Variants in SLC6A5 observed in about 807,000 individuals in gnomAD.
The protein encoded by SLC6A5 is sodium- and chloride-dependent glycine transporter 2.
A neutral mutation model predicts 90.5 loss-of-function variants in SLC6A5; 58 were observed. The ratio of observed to expected loss-of-function variants is 0.64; its 90% CI spans 0.52 to 0.80. SLC6A5 has a LOEUF of 0.80. Among genes scored for constraint, SLC6A5 ranks in the 30% least tolerant of loss-of-function variants. The probability of loss-of-function intolerance (pLI) is 0.00; values close to 1 mark genes in which losing one functional copy is unlikely to be tolerated. For missense variants in SLC6A5, 1,015 were observed against 1,017.6 expected (o/e 1.00, Z 0.03); for synonymous variants, 427 against 401.4 (o/e 1.06, Z -0.76).
chr11:20,646,518 A>C (rs1412889019), intron 13 of SLC6A5, among the ~76,000 whole-genome samples: 1 of 152,160 alleles, frequency 6.6e-6, no homozygotes, highest in African/African-American at 2.4e-5. Flanking sequence ...TGCACATGTG[A>C]GATGTCAGGT....
intron 6 of SLC6A5, among the ~76,000 whole-genome samples, chr11:20,615,812 T>TA (rs1351235247): frequency 3.7e-5 from 5 of 136,386 alleles, no homozygotes; most frequent in Non-Finnish European, 7.8e-5. Context: ...AAAGTGAAAA[T>TA]AAATGAGATG....
At chr11:20,640,942 C>T (rs1415341610) in intron 13 of SLC6A5, among the ~76,000 whole-genome samples, 1 of 152,104 alleles carries the variant, frequency 6.6e-6, no homozygotes, top group Non-Finnish European at 1.5e-5. Flanking sequence ...TTCTAATAAT[C>T]TCTAGATTCT....
chr11:20,651,632 G>GCA (rs1422713441), intron 14 of SLC6A5, among the ~76,000 whole-genome samples: 1 of 151,658 alleles, frequency 6.6e-6, no homozygotes, highest in African/African-American at 2.4e-5. Context: ...TACGGGCTGG[G>GCA]CACAGTGGCT....
At chr11:20,608,277 T>A (rs1295745382) in intron 5 of SLC6A5, among the ~76,000 whole-genome samples, 2 of 152,218 alleles carry the variant, frequency 1.3e-5, no homozygotes, top group African/African-American at 4.8e-5. Context: ...GGAGTGTTCC[T>A]GGAAGATGCT....
intron 3 of SLC6A5, 128 bp downstream of exon 3, chr11:20,604,552 C>T (rs769563021): frequency 8.6e-6 from 10 of 1,162,256 alleles, no homozygotes; most frequent in African/African-American, 1.5e-5. Context: ...GGCTCCAGCC[C>T]TACACCTCGT....
intron 1 of SLC6A5, 59 bp downstream of exon 1, chr11:20,599,734 G>T: frequency 3.1e-6 from 5 of 1,605,792 alleles, no homozygotes; most frequent in Non-Finnish European, 4.3e-6. Flanking sequence ...AGGGAAAGCA[G>T]ATTCGTTTTG....
chr11:20,635,868 C>T (rs909920716), intron 10 of SLC6A5, among the ~76,000 whole-genome samples: 2 of 152,140 alleles, frequency 1.3e-5, no homozygotes, highest in Non-Finnish European at 2.9e-5. Flanking sequence ...CCCAGCTCAC[C>T]CGTGAGAATA....
In SLC6A5 at chr11:20,600,399, G is replaced by GAAGAAGAAGAAGAA. The variant is rs1182102601; in HGVS notation, c.4-717_4-716insAAAGAAGAAGAAGA. ...AGAAGAAGAAGAAGAAGAAGAAGAA[G>GAAGAAGAAGAAGAA]AAGAAGAAGAAGACCTAAACAAAAG... On this transcript the variant is annotated intron_variant, in intron 1 of 15. Transcript: ENST00000525748. 6.3e-3 allele frequency among the ~76,000 whole-genome samples: 873 copies of GAAGAAGAAGAAGAA among 139,142 alleles called. 29 individuals carry two copies. The highest frequency in any genetic ancestry group is 0.022 in the African/African-American group (818 of 37,728). The allele number at this position is 139,142 out of a possible 152,430, so 91.3% of individuals were successfully genotyped here.
At chr11:20,635,607 A>G (rs144999712) in intron 10 of SLC6A5, among the ~76,000 whole-genome samples, 372 of 152,288 alleles carry the variant, frequency 2.4e-3, no homozygotes, top group Non-Finnish European at 4.2e-3. Context: ...GCAAACCACA[A>G]TGACACACGT....
chr11:20,629,443 T>G (rs769898040), intron 9 of SLC6A5, among the ~76,000 whole-genome samples: 19 of 152,254 alleles, frequency 1.2e-4, no homozygotes, highest in Non-Finnish European at 2.2e-4. Flanking sequence ...TTTGTTCAGA[T>G]TGTCTAACAA....
chr11:20,643,361 C>T (rs1193287436), intron 13 of SLC6A5, among the ~76,000 whole-genome samples: 1 of 152,066 alleles, frequency 6.6e-6, no homozygotes, highest in African/African-American at 2.4e-5. Flanking sequence ...TGATCAGAGG[C>T]CACTCATTTG....
At chr11:20,647,582 C>T (rs1315262086) in intron 14 of SLC6A5, among the ~76,000 whole-genome samples, 12 of 151,840 alleles carry the variant, frequency 7.9e-5, no homozygotes, top group African/African-American at 2.4e-4. Context: ...ATCACAGCCA[C>T]GTTTTCCACG....
intron 6 of SLC6A5, 150 bp downstream of exon 6, chr11:20,614,970 T>C: frequency 1.3e-6 from 1 of 749,130 alleles, no homozygotes; most frequent in Admixed American, 1.9e-5. Context: ...AAGAGCAGAT[T>C]GTTGTGTCTT....
At chr11:20,620,119 C>T (rs1852861942) in intron 7 of SLC6A5, among the ~76,000 whole-genome samples, 1 of 152,106 alleles carries the variant, frequency 6.6e-6, no homozygotes, top group South Asian at 2.1e-4. Context: ...AAGACTGTCA[C>T]TTATGGCTAG....
In SLC6A5 at chr11:20,628,100, C is replaced by T. The variant is rs1290444709; in HGVS notation, c.1499+17C>T. On this transcript the variant is annotated intron_variant, in intron 9 of 15. Transcript: ENST00000525748. Reference sequence around the variant, plus strand: ...CTGCTACAGGTATGTAGAGGTACTACAAGATCTGGGCATAGCTGGTGAGTG... The same window carrying T: ...CTGCTACAGGTATGTAGAGGTACTATAAGATCTGGGCATAGCTGGTGAGTG... 6.3e-6 allele frequency: 10 copies of T among 1,583,700 alleles called. No individual in the cohort carries two copies. Among genetic ancestry groups the T allele is most frequent in the Non-Finnish European group, 7.8e-6 (9 of 1,152,312 alleles).
At position 20,601,244 on chromosome 11, in the gene SLC6A5, T is replaced by G; in HGVS notation, c.119T>G (p.Leu40Arg). 7 of 1,582,784 alleles carry G rather than the reference T, an allele frequency of 4.4e-6. No individual in the cohort carries two copies. The highest frequency in any genetic ancestry group is 6.0e-6 in the Non-Finnish European group (7 of 1,172,100). The stretch of plus-strand genomic sequence containing the variant: ...CCCAGGACGAGCCCGGAGCAGGAGC[T>G]TCCCGCGGCTGCCGCCCCGCCGCCG... ...CAPRTSPEQELPAAAAPPPPR... is the reference protein window; with the variant it reads ...CAPRTSPEQERPAAAAPPPPR... Residue 40 changes from leucine (L) to arginine (R), a missense_variant, in exon 2 of 16, where the codon CTT (leucine) becomes CGT (arginine). Physicochemically the swap from Leu to Arg is moderately radical, Grantham distance 102. Transcript: ENST00000525748.
At position 20,617,719 on chromosome 11, in the gene SLC6A5, A is replaced by G. The variant is rs375072283; in HGVS notation, c.1128-33A>G. Reference sequence around the variant, plus strand: ...GTCACCTCCCTCTCTCCTTCTTTCTATCACTCCCCCCATCCCTCCCTCCAA... The same window carrying G: ...GTCACCTCCCTCTCTCCTTCTTTCTGTCACTCCCCCCATCCCTCCCTCCAA... On this transcript the variant is annotated intron_variant, in intron 6 of 15. Coordinates refer to ENST00000525748, the MANE Select transcript of SLC6A5 (RefSeq NM_004211.5). The G allele has an allele frequency of 6.4e-5, 103 of 1,603,810 alleles. No homozygotes were observed. The South Asian group carries it at 9.6e-4, about 15-fold the overall frequency.
At chr11:20,651,368 G>C (rs1239664915) in intron 14 of SLC6A5, among the ~76,000 whole-genome samples, 2 of 148,572 alleles carry the variant, frequency 1.3e-5, no homozygotes, top group African/African-American at 5.0e-5. Context: ...CTGCCTCCCA[G>C]GTTCAAGCAA....
intron 1 of SLC6A5, among the ~76,000 whole-genome samples, chr11:20,600,335 G>GGAA (rs55891826): frequency 0.054 from 4,748 of 87,766 alleles, 644 homozygotes; most frequent in Middle Eastern, 0.059. Flanking sequence ...AAGAAGAAGA[G>GGAA]GAAGAAGAAG....
Sources: gnomAD v4.1 joint callset for allele counts (sites outside exome capture counted in the v4.1 genomes callset) on GRCh38, gnomAD v4.1.1 for gene constraint, MANE v1.5 for transcripts, NCBI Gene and HGNC (gene_info 2026-07-23, HGNC 2026-07-21) for gene names.